Variants in OAF observed in about 807,000 individuals in gnomAD.
OAF encodes the protein out at first homolog, also known as out at first protein homolog.
A neutral mutation model predicts 22.5 loss-of-function variants in OAF; 13 were observed. The ratio of observed to expected loss-of-function variants is 0.58; its 90% confidence interval spans 0.38 to 0.92. The LOEUF (loss-of-function observed/expected upper bound fraction) is 0.92. Ranked by LOEUF, OAF falls within the 40% of genes least tolerant of loss-of-function variation. The pLI, the probability that OAF is intolerant of heterozygous loss-of-function variation, is 0.00. For synonymous variants in OAF, 175 were observed against 170.5 expected, an observed-to-expected ratio of 1.03 and a Z score of -0.21; for missense variants, 347 against 381.8, an observed-to-expected ratio of 0.91 and a Z score of 0.76.
intron 1 of OAF, among the ~76,000 whole-genome samples, chr11:120,216,535 G>T (rs563497026): frequency 6.6e-6 from 1 of 152,184 alleles, no homozygotes; most frequent in African/African-American, 2.4e-5. Context: ...CTGACATGGG[G>T]CTCCTGGGTC....
At chr11:120,222,956 G>A (rs1385887948) in intron 1 of OAF, among the ~76,000 whole-genome samples, 1 of 152,090 alleles carries the variant, frequency 6.6e-6, no homozygotes, top group African/African-American at 2.4e-5. Flanking sequence ...TCCTGGCAGG[G>A]CAGGCAGGCG....
chr11:120,224,497 G>A (rs117580280), intron 1 of OAF, among the ~76,000 whole-genome samples: 2,061 of 152,286 alleles, frequency 0.014, 72 homozygotes, highest in Admixed American at 0.081. Context: ...TTGCAGCTTC[G>A]GGGCGGAGCT....
At chr11:120,220,468 T>G (rs1033405137) in intron 1 of OAF, among the ~76,000 whole-genome samples, 1 of 152,182 alleles carries the variant, frequency 6.6e-6, no homozygotes, top group Non-Finnish European at 1.5e-5. Context: ...GGGGCAGGGA[T>G]GCACTTCAAG....
At chr11:120,215,480 G>A (rs1323323861) in intron 1 of OAF, among the ~76,000 whole-genome samples, 4 of 152,188 alleles carry the variant, frequency 2.6e-5, no homozygotes, top group Non-Finnish European at 5.9e-5. Flanking sequence ...TTTGAAACCT[G>A]TCATCTTACC....
At chr11:120,219,927 A>G (rs992040717) in intron 1 of OAF, among the ~76,000 whole-genome samples, 4 of 151,934 alleles carry the variant, frequency 2.6e-5, no homozygotes, top group Admixed American at 2.0e-4. Context: ...TGCACATTGG[A>G]GGCCAGTGGG....
intron 1 of OAF, among the ~76,000 whole-genome samples, chr11:120,223,559 C>T (rs886349015): frequency 6.6e-6 from 1 of 152,190 alleles, no homozygotes; most frequent in Admixed American, 6.5e-5. Context: ...CCCATTTTGA[C>T]AGCATTTTGT....
At chr11:120,211,572 G>C (rs1253662054) in intron 1 of OAF, 62 bp downstream of exon 1, 2 of 1,202,836 alleles carry the variant, frequency 1.7e-6, no homozygotes, top group South Asian at 2.1e-5. Flanking sequence ...GATCCCAGGC[G>C]CTCTCTTGCC....
intron 3 of OAF, 45 bp from the exon 4 acceptor site, chr11:120,228,823 C>CCAGCCCA: frequency 1.9e-6 from 1 of 521,816 alleles, no homozygotes. Flanking sequence ...GAGCTCCTTC[C>CCAGCCCA]CTCCCTCCCT....
chr11:120,225,804 C>A lies in OAF; in HGVS notation c.366+9C>A. ...TGGCCAAGCTCCGGCAGGTAAGTGCCCCACCAGGCCTGCCTGGCCCAGGTC... is the reference window on the plus strand; with the variant it reads ...TGGCCAAGCTCCGGCAGGTAAGTGCACCACCAGGCCTGCCTGGCCCAGGTC... On this transcript the variant is annotated intron_variant, in intron 2 of 3. Transcript: ENST00000328965. 6.9e-6 allele frequency: 11 copies of A among 1,594,866 alleles called. No homozygotes were observed. The highest frequency in any genetic ancestry group is 9.4e-6 in the Non-Finnish European group (11 of 1,171,908).
chr11:120,218,921 G>A (rs370139614), intron 1 of OAF, among the ~76,000 whole-genome samples: 32 of 152,216 alleles, frequency 2.1e-4, no homozygotes, highest in Non-Finnish European at 3.4e-4. Context: ...AGAGGAGACC[G>A]GGCAGGCTGG....
Position 120,228,950 on chromosome 11 carries a change from C to A in OAF, c.630C>A (p.His210Gln). Residue 210 changes from histidine (H) to glutamine (Q), a missense_variant, in exon 4 of 4, where the codon CAC becomes CAA. Coordinates refer to ENST00000328965, the MANE Select transcript of OAF (RefSeq NM_178507.4). ...CTCGCTGCAGGCAGGTGGGGGACCA[C>A]GGGAAGCCCTGCGTCTGCCGCTATG... ...ELPRCRQVGD[H>Q]GKPCVCRYGL... 6.2e-7 allele frequency: 1 copy of A among 1,612,184 alleles called. No homozygotes were observed. The highest frequency in any genetic ancestry group is 8.5e-7 in the Non-Finnish European group (1 of 1,179,878).
At chr11:120,227,886 G>A (rs183563523) in intron 3 of OAF, among the ~76,000 whole-genome samples, 59 of 152,008 alleles carry the variant, frequency 3.9e-4, no homozygotes, top group African/African-American at 1.4e-3. Flanking sequence ...AGACTATGCC[G>A]CAAGCTTGAC....
intron 1 of OAF, among the ~76,000 whole-genome samples, chr11:120,223,669 T>C (rs954927760): frequency 2.0e-5 from 3 of 152,226 alleles, no homozygotes; most frequent in Non-Finnish European, 4.4e-5. Flanking sequence ...TACCTTCTTT[T>C]GCCAACGGTA....
intron 2 of OAF, among the ~76,000 whole-genome samples, 179 bp from the exon 3 acceptor site, chr11:120,226,637 G>A (rs1032442158): frequency 6.6e-6 from 1 of 152,248 alleles, no homozygotes; most frequent in Non-Finnish European, 1.5e-5. Context: ...GAAAAGGCTC[G>A]ACTGTACTCT....
chr11:120,222,388 T>C (rs1938289834), intron 1 of OAF, among the ~76,000 whole-genome samples: 1 of 151,740 alleles, frequency 6.6e-6, no homozygotes, highest in Non-Finnish European at 1.5e-5. Context: ...TGAAACCCAG[T>C]CTTTACAAAA....
intron 1 of OAF, among the ~76,000 whole-genome samples, chr11:120,219,980 A>G (rs1938259740): frequency 6.6e-6 from 1 of 152,194 alleles, no homozygotes; most frequent in Admixed American, 6.5e-5. Flanking sequence ...TCCAGCTACT[A>G]AGCATTGAGC....
chr11:120,224,384 ATAACT>A, intron 1 of OAF, among the ~76,000 whole-genome samples: 1 of 152,342 alleles, frequency 6.6e-6, no homozygotes, highest in Non-Finnish European at 1.5e-5. Context: ...GAATCTTCAG[ATAACT>A]TACTTAGTCC....
intron 1 of OAF, among the ~76,000 whole-genome samples, chr11:120,223,691 T>C (rs12808181): frequency 0.53 from 81,118 of 152,170 alleles, 25,619 homozygotes; most frequent in Non-Finnish European, 0.73. Flanking sequence ...TCAGGTGATG[T>C]CACCAAGCAA....
intron 1 of OAF, among the ~76,000 whole-genome samples, chr11:120,220,369 C>G (rs1938265272): frequency 6.6e-6 from 1 of 152,188 alleles, no homozygotes; most frequent in South Asian, 2.1e-4. Flanking sequence ...ATTCCCACCG[C>G]TTTTCTCAGA....
Sources: allele counts gnomAD v4.1 joint callset (sites outside exome capture counted in the v4.1 genomes callset), GRCh38; gene constraint gnomAD v4.1.1; transcripts MANE v1.5; gene names NCBI Gene and HGNC (gene_info 2026-07-23, HGNC 2026-07-21).